The following PGM5 variants were observed in gnomAD, a reference collection of about 807,000 sequenced individuals.
The protein encoded by PGM5 is phosphoglucomutase 5.
In PGM5, 23 loss-of-function variants were observed where a neutral mutation model predicts 59.2. That is an observed-to-expected ratio of 0.39 (90% CI 0.28 to 0.55). The LOEUF (loss-of-function observed/expected upper bound fraction) is 0.55, where lower values mean the gene tolerates loss of function less well. Ranked by LOEUF, PGM5 falls within the 20% of genes least tolerant of loss-of-function variation. The pLI, the probability that PGM5 is intolerant of heterozygous loss-of-function variation, is 0.66. For missense variants in PGM5, 574 were observed against 748.3 expected, an observed-to-expected ratio of 0.77 and a Z score of 2.72; for synonymous variants, 214 against 286.0, an observed-to-expected ratio of 0.75 and a Z score of 2.54.
At chr9:68,490,607 G>A (rs1223309246) in intron 9 of PGM5, among the ~76,000 whole-genome samples, 7 of 152,086 alleles carry the variant, frequency 4.6e-5, no homozygotes, top group South Asian at 4.2e-4. Flanking sequence ...TGCTTGCCTC[G>A]GGCTCCCAAA....
chr9:68,520,654 C>CA (rs923994001), intron 10 of PGM5, among the ~76,000 whole-genome samples: 1 of 151,948 alleles, frequency 6.6e-6, no homozygotes, highest in African/African-American at 2.4e-5. Flanking sequence ...AAAATTGACA[C>CA]AAAAAAAGCT....
At chr9:68,418,711 G>T (rs535239765) in intron 6 of PGM5, among the ~76,000 whole-genome samples, 2 of 151,580 alleles carry the variant, frequency 1.3e-5, no homozygotes, top group East Asian at 3.9e-4. Context: ...TCTGAGCCCT[G>T]GGGGTCTTAT....
At chr9:68,412,178 T>C (rs1193611543) in intron 6 of PGM5, among the ~76,000 whole-genome samples, 2 of 151,732 alleles carry the variant, frequency 1.3e-5, no homozygotes, top group Non-Finnish European at 2.9e-5. Context: ...GGATAATAAA[T>C]GTAAAGTAAT....
chr9:68,467,841 C>G (rs1403359514), intron 7 of PGM5, among the ~76,000 whole-genome samples: 2 of 151,812 alleles, frequency 1.3e-5, no homozygotes, highest in Non-Finnish European at 2.9e-5. Context: ...TGCTTTTTCT[C>G]TGGTTTGCAA....
rs1587208854 is a variant in PGM5, at chr9:68,485,664, C to A, written c.1479+1616C>A. On this transcript the variant is annotated intron_variant, in intron 9 of 10. Coordinates refer to ENST00000396396, the MANE Select transcript of PGM5 (RefSeq NM_021965.4). ...TGGACTAATACAGTATTGATTTCCC[C>A]CAACCTCTTCTACACTCTTCTGTCT... is the stretch of plus-strand genomic sequence containing the variant. Among the ~76,000 whole-genome samples, 2 of 152,278 alleles carry A rather than the reference C, an allele frequency of 1.3e-5. 1 individual carries two copies. The highest frequency in any genetic ancestry group is 1.3e-4 in the Admixed American group (2 of 15,292).
At chr9:68,379,973 G>A (rs1194854937) in intron 2 of PGM5, among the ~76,000 whole-genome samples, 1 of 151,968 alleles carries the variant, frequency 6.6e-6, no homozygotes, top group Non-Finnish European at 1.5e-5. Flanking sequence ...TAGTGGACAT[G>A]AAGGAAGAAA....
At chr9:68,408,836 T>C (rs1169397535) in intron 6 of PGM5, among the ~76,000 whole-genome samples, 1 of 152,244 alleles carries the variant, frequency 6.6e-6, no homozygotes, top group Non-Finnish European at 1.5e-5. Context: ...TAGGGAATCC[T>C]TTCCCCATCG....
At chr9:68,490,142 G>A (rs1263476016) in intron 9 of PGM5, among the ~76,000 whole-genome samples, 1 of 152,162 alleles carries the variant, frequency 6.6e-6, no homozygotes, top group Admixed American at 6.5e-5. Context: ...TTTCCAGCAT[G>A]TGGTGTTTTA....
intron 10 of PGM5, among the ~76,000 whole-genome samples, chr9:68,500,367 A>G (rs1210483134): frequency 6.6e-6 from 1 of 151,892 alleles, no homozygotes; most frequent in East Asian, 1.9e-4. Context: ...CTTGGCAATA[A>G]TGGGTGCTAC....
intron 8 of PGM5, among the ~76,000 whole-genome samples, chr9:68,481,723 A>G (rs1554687152): frequency 6.6e-6 from 1 of 152,258 alleles, no homozygotes; most frequent in African/African-American, 2.4e-5. Context: ...AACAAATACC[A>G]TATTTGAAAA....
intron 6 of PGM5, among the ~76,000 whole-genome samples, chr9:68,458,394 C>G (rs1176491394): frequency 6.6e-6 from 1 of 152,100 alleles, no homozygotes; most frequent in African/African-American, 2.4e-5. Context: ...TGGGGTCCAC[C>G]TTTATTTGTT....
At chr9:68,393,476 C>T (rs1456827766) in intron 6 of PGM5, among the ~76,000 whole-genome samples, 14 of 152,124 alleles carry the variant, frequency 9.2e-5, no homozygotes, top group East Asian at 1.9e-4. Context: ...CCGGGCGTGG[C>T]GACTCACACC....
At chr9:68,362,407 C>T (rs1471995195) in intron 1 of PGM5, among the ~76,000 whole-genome samples, 4 of 152,190 alleles carry the variant, frequency 2.6e-5, no homozygotes, top group Non-Finnish European at 5.9e-5. Context: ...TAGGTTTTAT[C>T]TGTTTCTGTA....
chr9:68,438,785 T>C (rs1823480788), intron 6 of PGM5, among the ~76,000 whole-genome samples: 1 of 152,202 alleles, frequency 6.6e-6, no homozygotes, highest in East Asian at 1.9e-4. Flanking sequence ...AGGAAAGTCC[T>C]CTAGTTCTGT....
At chr9:68,385,226 T>G (rs1248894439) in intron 3 of PGM5, among the ~76,000 whole-genome samples, 1 of 145,352 alleles carries the variant, frequency 6.9e-6, no homozygotes, top group Non-Finnish European at 1.5e-5. Flanking sequence ...ATAACATGTA[T>G]GTATACATTT....
In PGM5 at chr9:68,371,668, C is replaced by T. The variant is rs1323441109; in HGVS notation, c.262-6531C>T. 2.7e-5 allele frequency: 4 copies of T among 148,146 alleles called. No individual in the cohort carries two copies. The East Asian group carries it at 8.0e-4, about 30-fold the overall frequency. The allele number at this position is 148,146 out of a possible 1,614,324, so 9.2% of individuals were successfully genotyped here. A position where few individuals can be genotyped will look rare whatever the true frequency, so the allele number is the denominator to read the frequency against. Reference sequence around the variant, plus strand: ...GATTGATCCTATGTCAGGGGATAGTCAAGACTCATACCTATGCCTTTTAAC... The same window carrying T: ...GATTGATCCTATGTCAGGGGATAGTTAAGACTCATACCTATGCCTTTTAAC... On this transcript the variant is annotated intron_variant, in intron 1 of 10. Coordinates refer to ENST00000396396, the MANE Select transcript of PGM5 (RefSeq NM_021965.4).
intron 1 of PGM5, among the ~76,000 whole-genome samples, chr9:68,360,717 T>G (rs1348451643): frequency 6.6e-6 from 1 of 152,216 alleles, no homozygotes; most frequent in East Asian, 1.9e-4. Flanking sequence ...TTCCTATATT[T>G]GTGTCATGAT....
chr9:68,475,774 CA>C (rs1824092828), intron 7 of PGM5, among the ~76,000 whole-genome samples: 2 of 152,186 alleles, frequency 1.3e-5, no homozygotes. Flanking sequence ...TGTCTACCCA[CA>C]AGGTTTTGAA....
At chr9:68,476,615 T>C (rs1457126476) in intron 7 of PGM5, among the ~76,000 whole-genome samples, 1 of 152,200 alleles carries the variant, frequency 6.6e-6, no homozygotes, top group Admixed American at 6.5e-5. Context: ...AGTGGAAACA[T>C]CTGTGTAATT....
Sources: allele counts gnomAD v4.1 joint callset (sites outside exome capture counted in the v4.1 genomes callset), GRCh38; gene constraint gnomAD v4.1.1; transcripts MANE v1.5; gene names NCBI Gene and HGNC (gene_info 2026-07-23, HGNC 2026-07-21).